MACROD2: variants seen among roughly 807,000 people sequenced by gnomAD.
The protein encoded by MACROD2 is mono-ADP ribosylhydrolase 2.
MACROD2 carries 36 observed loss-of-function variants against 70.4 expected under a neutral mutation model. The ratio of observed to expected loss-of-function variants is 0.51; its 90% confidence interval spans 0.39 to 0.68. The LOEUF (loss-of-function observed/expected upper bound fraction) is 0.68. Among genes scored for constraint, MACROD2 ranks in the 30% least tolerant of loss-of-function variants. MACROD2 has a pLI of 0.00. For synonymous variants in MACROD2, 172 were observed against 178.8 expected, an observed-to-expected ratio of 0.96 and a Z score of 0.30; for missense variants, 496 against 538.4, an observed-to-expected ratio of 0.92 and a Z score of 0.78.
intron 5 of MACROD2, among the ~76,000 whole-genome samples, chr20:15,165,541 A>G (rs935893417): frequency 2.6e-4 from 39 of 152,356 alleles, no homozygotes; most frequent in South Asian, 2.1e-4. Flanking sequence ...GTAATTTACC[A>G]ATTGTGACTT....
intron 5 of MACROD2, among the ~76,000 whole-genome samples, chr20:14,946,140 A>G (rs1231160164): frequency 3.9e-5 from 6 of 152,110 alleles, no homozygotes; most frequent in Non-Finnish European, 7.4e-5. Flanking sequence ...TGGAGGTTGC[A>G]GCGAGCCAAG....
chr20:15,622,583 G>A (rs1018151903), intron 8 of MACROD2, among the ~76,000 whole-genome samples: 2 of 152,160 alleles, frequency 1.3e-5, no homozygotes, highest in African/African-American at 4.8e-5. Context: ...ACATCTCGGG[G>A]AGCAGGATGG....
chr20:15,863,192 A>G (rs2064448657), intron 9 of MACROD2, among the ~76,000 whole-genome samples: 1 of 152,048 alleles, frequency 6.6e-6, no homozygotes, highest in Non-Finnish European at 1.5e-5. Flanking sequence ...TGCATCTACC[A>G]TGTTAAATAC....
rs1344045740 is a variant in MACROD2, at chr20:15,144,038, C to T, written c.419-85902C>T. Among the ~76,000 whole-genome samples the T allele has an allele frequency of 4.0e-5, 6 of 151,602 alleles. No homozygotes were observed. The East Asian group carries it at 1.2e-3, about 29-fold the overall frequency. On this transcript the variant is annotated intron_variant, in intron 5 of 17. Coordinates refer to ENST00000684519, the MANE Select transcript of MACROD2 (RefSeq NM_001351661.2). ...GTGCTGCATTAAAAGCCATCCTGGG[C>T]CTCATGTGGGTCGTGGGCCGCGGGT...
At chr20:15,311,632 A>G (rs973350682) in intron 6 of MACROD2, among the ~76,000 whole-genome samples, 7 of 152,238 alleles carry the variant, frequency 4.6e-5, no homozygotes, top group Non-Finnish European at 5.9e-5. Flanking sequence ...TGTCTCTTGC[A>G]GCAACATGGA....
rs189839978 is a variant in MACROD2, at chr20:15,366,404, A to C, written c.541-65001A>C. 4.6e-5 allele frequency among the ~76,000 whole-genome samples: 7 copies of C among 152,376 alleles called. No individual in the cohort carries two copies. The East Asian group carries it at 1.4e-3, about 29-fold the overall frequency. The stretch of plus-strand genomic sequence containing the variant: ...ATAGAGACATTTAAAAAATGTTCAC[A>C]TATTGTTAAAATAACATTGACACAT... On this transcript the variant is annotated intron_variant, in intron 6 of 17. Transcript: ENST00000684519.
intron 15 of MACROD2, among the ~76,000 whole-genome samples, chr20:16,030,640 T>A (rs538065687): frequency 6.6e-6 from 1 of 152,246 alleles, no homozygotes; most frequent in African/African-American, 2.4e-5. Context: ...AAAAATAACA[T>A]AACTGATCTG....
chr20:16,038,394 A>T (rs1157605714), intron 15 of MACROD2, among the ~76,000 whole-genome samples: 2 of 151,216 alleles, frequency 1.3e-5, no homozygotes, highest in African/African-American at 4.9e-5. Flanking sequence ...TGGTTCCTTC[A>T]CTCTTATCTG....
At chr20:15,594,773 A>C (rs1349474421) in intron 8 of MACROD2, among the ~76,000 whole-genome samples, 1 of 152,222 alleles carries the variant, frequency 6.6e-6, no homozygotes, top group African/African-American at 2.4e-5. Context: ...TAAGTGACAA[A>C]GAAGTTTTCA....
At chr20:15,299,945 A>C (rs1396481474) in intron 6 of MACROD2, among the ~76,000 whole-genome samples, 1 of 152,170 alleles carries the variant, frequency 6.6e-6, no homozygotes, top group Admixed American at 6.5e-5. Flanking sequence ...GAGTAGAAAC[A>C]TCTAGCTTTT....
chr20:14,240,485 A>T (rs2081919078), intron 3 of MACROD2, among the ~76,000 whole-genome samples: 1 of 152,220 alleles, frequency 6.6e-6, no homozygotes, highest in East Asian at 1.9e-4. Flanking sequence ...TGGTACATAT[A>T]CACTATGGAA....
At position 14,761,535 on chromosome 20, in the gene MACROD2, C is replaced by T. The variant is rs565606756; in HGVS notation, c.418+76576C>T. ...GCCCCTTCCTTCAAAGTAGTTCTCA[C>T]CTAAACTTGTTTTTTATTCCCAAGA... On this transcript the variant is annotated intron_variant, in intron 5 of 17. Transcript: ENST00000684519. 2.0e-5 allele frequency among the ~76,000 whole-genome samples: 3 copies of T among 152,186 alleles called. No individual in the cohort carries two copies. The South Asian group carries it at 6.2e-4, about 32-fold the overall frequency.
chr20:14,409,404 C>T (rs2122860289), intron 3 of MACROD2, among the ~76,000 whole-genome samples: 1 of 151,134 alleles, frequency 6.6e-6, no homozygotes, highest in East Asian at 1.9e-4. Context: ...TTTATCCTCT[C>T]ATGAAACCCT....
intron 8 of MACROD2, among the ~76,000 whole-genome samples, chr20:15,541,037 A>T (rs916806638): frequency 2.0e-5 from 3 of 152,170 alleles, no homozygotes; most frequent in African/African-American, 7.2e-5. Flanking sequence ...TTAGGTCTTC[A>T]AGGCAGGGAT....
intron 5 of MACROD2, among the ~76,000 whole-genome samples, chr20:15,020,103 T>C (rs571011751): frequency 5.3e-5 from 8 of 152,238 alleles, no homozygotes; most frequent in African/African-American, 1.7e-4. Flanking sequence ...CTGAAAGAGA[T>C]GGGAGGCTGG....
At position 14,006,337 on chromosome 20, in the gene MACROD2, C is replaced by T. The variant is rs557713574; in HGVS notation, c.163+3933C>T. Among the ~76,000 whole-genome samples the T allele has an allele frequency of 5.3e-5, 8 of 152,258 alleles. No individual in the cohort carries two copies. In the East Asian group the frequency reaches 5.8e-4, roughly 11 times the overall value. On this transcript the variant is annotated intron_variant, in intron 2 of 17. Coordinates refer to ENST00000684519, the MANE Select transcript of MACROD2 (RefSeq NM_001351661.2). ...TTACCCAGTTTCAACAGTTATTACACGGCCAATTTTATTTCATCTATACCA... is the reference window on the plus strand; with the variant it reads ...TTACCCAGTTTCAACAGTTATTACATGGCCAATTTTATTTCATCTATACCA...
At chr20:15,977,185 G>A (rs578209064) in intron 13 of MACROD2, among the ~76,000 whole-genome samples, 7 of 152,278 alleles carry the variant, frequency 4.6e-5, no homozygotes, top group South Asian at 4.2e-4. Context: ...GACCTGGTGC[G>A]ATGATTAGGT....
At chr20:15,865,183 G>A (rs1325264376) in intron 9 of MACROD2, among the ~76,000 whole-genome samples, 1 of 151,918 alleles carries the variant, frequency 6.6e-6, no homozygotes, top group African/African-American at 2.4e-5. Context: ...TGTGTTTTGG[G>A]GTACTTTAAT....
At chr20:15,081,499 GC>G (rs1286268193) in intron 5 of MACROD2, among the ~76,000 whole-genome samples, 1 of 152,082 alleles carries the variant, frequency 6.6e-6, no homozygotes, top group Non-Finnish European at 1.5e-5. Flanking sequence ...GAACCACATG[GC>G]TATTCTTGAA....
Sources: gnomAD v4.1 joint callset for allele counts (sites outside exome capture counted in the v4.1 genomes callset) on GRCh38, gnomAD v4.1.1 for gene constraint, MANE v1.5 for transcripts, NCBI Gene and HGNC (gene_info 2026-07-23, HGNC 2026-07-21) for gene names.